Variants in LRRC8B observed in about 807,000 individuals in gnomAD.
The protein encoded by LRRC8B is leucine rich repeat containing 8 VRAC subunit B, also known as volume-regulated anion channel subunit LRRC8B.
Under a neutral mutation model 58.8 loss-of-function variants are expected in LRRC8B, and 23 were observed. That is an observed-to-expected ratio of 0.39 (90% CI 0.28 to 0.55). The LOEUF is 0.55. LRRC8B is among the 20% of genes least tolerant of loss of function. LRRC8B has a pLI of 0.62. For missense variants in LRRC8B, 694 were observed against 936.0 expected (o/e 0.74, Z 3.37); for synonymous variants, 359 against 374.1 (o/e 0.96, Z 0.47).
chr1:89,592,471 G>A (rs1230174602), intron 5 of LRRC8B, among the ~76,000 whole-genome samples: 1 of 152,152 alleles, frequency 6.6e-6, no homozygotes, highest in African/African-American at 2.4e-5. Flanking sequence ...GACAATGTGT[G>A]TATAACTACA....
rs1205743762 is a variant in LRRC8B, at chr1:89,587,600, T to G, written c.2139+2811T>G. 1.3e-5 allele frequency among the ~76,000 whole-genome samples: 2 copies of G among 152,088 alleles called. 1 individual carries two copies. Among genetic ancestry groups the G allele is most frequent in the South Asian group, 4.1e-4 (2 of 4,822 alleles). ...GTTAGACATGCATATACAAAGAAAT[T>G]CAAGCCAATTAATCCATGTGGAACG... On this transcript the variant is annotated intron_variant, in intron 5 of 5. Transcript: ENST00000330947.
chr1:89,563,171 A>G (rs1324526566), intron 1 of LRRC8B, among the ~76,000 whole-genome samples: 4 of 151,794 alleles, frequency 2.6e-5, no homozygotes, highest in African/African-American at 4.8e-5. Flanking sequence ...TTGTGGTTTT[A>G]TATATATATA....
chr1:89,583,630 G>A lies in LRRC8B; in HGVS notation c.980G>A (p.Gly327Asp). ...TATGTCATTTTGGTTATACTTTATGGTCTGACCTCTTCCTACAGCCTGTGG... is the reference window on the plus strand; with the variant it reads ...TATGTCATTTTGGTTATACTTTATGATCTGACCTCTTCCTACAGCCTGTGG... ...SFYVILVILYGLTSSYSLWWM... is the reference protein window; with the variant it reads ...SFYVILVILYDLTSSYSLWWM... The change falls in exon 5 of 6, where the codon GGT becomes GAT. Residue 327 changes from glycine (G) to aspartate (D), a missense_variant. Around this residue, in one of 5 missense-constraint regions of LRRC8B, gnomAD observed 316 missense variants for 403.8 expected, o/e 0.78. Transcript: ENST00000330947. The surrounding 1 kb of genome is among the most constrained non-coding windows in gnomAD (Gnocchi z 5.2). 1.2e-6 allele frequency: 2 copies of A among 1,612,874 alleles called. No homozygotes were observed. The highest frequency in any genetic ancestry group is 1.7e-6 in the Non-Finnish European group (2 of 1,180,016).
chr1:89,584,236 T>C lies in LRRC8B; in HGVS notation c.1586T>C (p.Met529Thr), dbSNP rs1473515386. The C allele has an allele frequency of 1.9e-6, 3 of 1,612,438 alleles. No homozygotes were observed. Among genetic ancestry groups the C allele is most frequent in the East Asian group, 2.2e-5 (1 of 44,900 alleles). Reference sequence around the variant, plus strand: ...GTTCTCCCTGAACAGTTGAGTACTATGCAGTTGGAGGGCTTTCAGGACTTA... The same window carrying C: ...GTTCTCCCTGAACAGTTGAGTACTACGCAGTTGGAGGGCTTTCAGGACTTA... ...GCVLPEQLST[M>T]QLEGFQDLKN... is the part of the protein sequence containing the mutation. The change falls in exon 5 of 6, where the codon ATG becomes ACG. Residue 529 changes from methionine to threonine, a missense_variant. This residue lies in a region of LRRC8B where 162 missense variants were observed against 198.5 expected (regional missense o/e 0.82). Transcript: ENST00000330947.
At chr1:89,528,209 A>G (rs1166247244) in intron 1 of LRRC8B, among the ~76,000 whole-genome samples, 2 of 152,176 alleles carry the variant, frequency 1.3e-5, no homozygotes, top group African/African-American at 4.8e-5. Flanking sequence ...TAACAAGCAC[A>G]GCATATTTCA....
intron 3 of LRRC8B, among the ~76,000 whole-genome samples, chr1:89,576,467 A>C (rs1320884834): frequency 6.6e-6 from 1 of 152,204 alleles, no homozygotes; most frequent in East Asian, 1.9e-4. Context: ...TTCTTTTAAA[A>C]GTGCCCCAAG....
intron 1 of LRRC8B, among the ~76,000 whole-genome samples, chr1:89,532,373 G>A (rs1281577078): frequency 1.3e-5 from 2 of 152,192 alleles, no homozygotes; most frequent in African/African-American, 4.8e-5. Context: ...GATAGTGGGT[G>A]AATAATATTA....
intron 1 of LRRC8B, among the ~76,000 whole-genome samples, chr1:89,554,896 C>T (rs1463903884): frequency 1.3e-5 from 2 of 152,140 alleles, no homozygotes; most frequent in Non-Finnish European, 1.5e-5. Flanking sequence ...GATTCATCTG[C>T]TGTGTATAAA....
At chr1:89,589,498 T>C (rs941768990) in intron 5 of LRRC8B, among the ~76,000 whole-genome samples, 1 of 151,980 alleles carries the variant, frequency 6.6e-6, no homozygotes, top group African/African-American at 2.4e-5. Flanking sequence ...TTGAGCTAGG[T>C]TTGCTGAAAT....
In LRRC8B at chr1:89,594,964, G is replaced by A. The variant is rs1655212885; in HGVS notation, c.*1921G>A. 1 of 152,142 alleles carries A rather than the reference G, an allele frequency of 6.6e-6. No homozygotes were observed. The highest frequency in any genetic ancestry group is 6.5e-5 in the Admixed American group (1 of 15,270). The allele number at this position is 152,142 out of a possible 1,614,324, so 9.4% of individuals were successfully genotyped here. On this transcript the variant is annotated 3_prime_UTR_variant, in exon 6 of 6. Coordinates refer to ENST00000330947, the MANE Select transcript of LRRC8B (RefSeq NM_001369817.2). ...CTTTGTTCCAGAAAGATGAAAGTGA[G>A]TCTTTAAAGCATAGCAAATAGAGCT...
At chr1:89,548,762 G>A (rs148603010) in intron 1 of LRRC8B, among the ~76,000 whole-genome samples, 44 of 152,256 alleles carry the variant, frequency 2.9e-4, no homozygotes, top group Non-Finnish European at 4.6e-4. Context: ...GACAGAGCTG[G>A]ACAGAAAAAT....
At chr1:89,576,732 T>G (rs945348214) in intron 3 of LRRC8B, among the ~76,000 whole-genome samples, 1 of 152,198 alleles carries the variant, frequency 6.6e-6, no homozygotes, top group Non-Finnish European at 1.5e-5. Context: ...TTTCTAGGTC[T>G]CAAAACTACG....
At position 89,583,065 on chromosome 1, in the gene LRRC8B, T is replaced by G. The variant is rs1328755428; in HGVS notation, c.415T>G (p.Trp139Gly). 1 of 1,614,194 alleles carries G rather than the reference T, an allele frequency of 6.2e-7. No individual in the cohort carries two copies. The change falls in exon 5 of 6, where the codon TGG becomes GGG. Residue 139 changes from tryptophan (W) to glycine (G), a missense_variant. Trp to Gly is a radical substitution (Grantham distance 184). This residue lies in a region of LRRC8B where 316 missense variants were observed against 403.8 expected (regional missense o/e 0.78). Transcript: ENST00000330947. This position sits in a 1 kb window ranked among gnomAD's most constrained non-coding sequence, Gnocchi z 5.2. Reference protein sequence around the residue: ...TLIFAACSNFWLHYPSTSSRL... With the variant: ...TLIFAACSNFGLHYPSTSSRL... ...CATCTTTGCAGCCTGCAGCAACTTT[T>G]GGCTTCACTACCCCAGTACCAGTTC...
rs989241545 is a variant in LRRC8B at position 89,596,813 on chromosome 1, G to T, written c.*3770G>T. On this transcript the variant is annotated 3_prime_UTR_variant, in exon 6 of 6. Transcript: ENST00000330947. The stretch of plus-strand genomic sequence containing the variant: ...GGAGGAAGCCAGTGCCTGTAATTAT[G>T]TCTCATTGAGTAGTTTTACTTTGCC... The T allele has an allele frequency of 1.3e-5, 2 of 152,150 alleles. No individual in the cohort carries two copies. The highest frequency in any genetic ancestry group is 2.4e-5 in the African/African-American group (1 of 41,436). 9.4% of individuals were successfully genotyped at this position (152,150 alleles called of 1,614,324 possible). A position where few individuals can be genotyped will look rare whatever the true frequency, so the allele number is the denominator to read the frequency against.
chr1:89,589,275 A>G (rs1464668499), intron 5 of LRRC8B, among the ~76,000 whole-genome samples: 1 of 152,148 alleles, frequency 6.6e-6, no homozygotes, highest in African/African-American at 2.4e-5. Context: ...CTAGGATGGA[A>G]CCCAAACATT....
At chr1:89,573,119 T>C (rs1653587293) in intron 3 of LRRC8B, among the ~76,000 whole-genome samples, 1 of 151,940 alleles carries the variant, frequency 6.6e-6, no homozygotes, top group Admixed American at 6.6e-5. Context: ...GCTAACATGG[T>C]GAAAACCCAT....
At chr1:89,559,908 A>G (rs931370472) in intron 1 of LRRC8B, among the ~76,000 whole-genome samples, 7 of 152,178 alleles carry the variant, frequency 4.6e-5, no homozygotes, top group African/African-American at 1.7e-4. Context: ...AAGGAAACCT[A>G]CACCATTGTT....
intron 1 of LRRC8B, among the ~76,000 whole-genome samples, chr1:89,537,673 A>G (rs1347341991): frequency 1.3e-5 from 2 of 152,014 alleles, no homozygotes; most frequent in Admixed American, 6.6e-5. Context: ...GGGTTTCACC[A>G]TGTTGGCCAG....
intron 5 of LRRC8B, among the ~76,000 whole-genome samples, chr1:89,585,567 G>T (rs1470695771): frequency 6.6e-6 from 1 of 152,152 alleles, no homozygotes; most frequent in Non-Finnish European, 1.5e-5. Context: ...AACCTGGTCA[G>T]AAATCAAATC....
Sources: allele counts gnomAD v4.1 joint callset (sites outside exome capture counted in the v4.1 genomes callset), GRCh38; gene constraint gnomAD v4.1.1; regional missense constraint gnomAD v4.1.1; non-coding constraint Gnocchi (gnomAD v3.1); transcripts MANE v1.5; gene names NCBI Gene and HGNC (gene_info 2026-07-23, HGNC 2026-07-21).